ADAM18: variants seen among roughly 807,000 people sequenced by gnomAD.
The protein encoded by ADAM18 is disintegrin and metalloproteinase domain-containing protein 18.
In ADAM18, 117 loss-of-function variants were observed where a neutral mutation model predicts 94.4. The ratio of observed to expected loss-of-function variants is 1.24; its 90% confidence interval spans 1.07 to 1.45. The LOEUF (loss-of-function observed/expected upper bound fraction) is 1.45. Among genes scored for constraint, ADAM18 ranks in the 40% most tolerant of loss-of-function variants. The probability of loss-of-function intolerance (pLI) is 0.00; values close to 1 mark genes in which losing one functional copy is unlikely to be tolerated. For missense variants in ADAM18, 936 were observed against 880.0 expected, an observed-to-expected ratio of 1.06 and a Z score of -0.81; for synonymous variants, 327 against 291.6, an observed-to-expected ratio of 1.12 and a Z score of -1.24.
intron 18 of ADAM18, among the ~76,000 whole-genome samples, chr8:39,722,213 GTGTGTATATA>G (rs1478174267): frequency 6.8e-5 from 5 of 73,396 alleles, no homozygotes; most frequent in African/African-American, 3.7e-4. Context: ...GTGTGTGTGT[GTGTGTATATA>G]TATATATATA....
At chr8:39,613,592 G>A (rs549195258) in intron 6 of ADAM18, among the ~76,000 whole-genome samples, 1 of 152,108 alleles carries the variant, frequency 6.6e-6, no homozygotes, top group East Asian at 1.9e-4. Context: ...ACAAATGACT[G>A]TACTGTATCT....
chr8:39,641,887 A>C (rs1820249563), intron 10 of ADAM18, among the ~76,000 whole-genome samples: 1 of 152,090 alleles, frequency 6.6e-6, no homozygotes, highest in Non-Finnish European at 1.5e-5. Flanking sequence ...GCAGTGTATA[A>C]GTGTTCCTCT....
chr8:39,596,318 T>C (rs1818740296), intron 2 of ADAM18, among the ~76,000 whole-genome samples: 1 of 152,202 alleles, frequency 6.6e-6, no homozygotes, highest in South Asian at 2.1e-4. Context: ...AAAACTCCTT[T>C]GTGCTCTACC....
At chr8:39,678,362 A>T (rs1821352485) in intron 15 of ADAM18, among the ~76,000 whole-genome samples, 1 of 152,234 alleles carries the variant, frequency 6.6e-6, no homozygotes, top group South Asian at 2.1e-4. Flanking sequence ...GGACTAAAGT[A>T]GTATCCTCCA....
intron 12 of ADAM18, 29 bp from the exon 13 acceptor site, chr8:39,663,766 T>G: frequency 1.4e-6 from 2 of 1,466,592 alleles, no homozygotes; most frequent in South Asian, 1.2e-5. Flanking sequence ...GGTTAAACTG[T>G]AATAATATTT....
At position 39,680,314 on chromosome 8, in the gene ADAM18, T is replaced by C. The variant is rs190623154; in HGVS notation, c.1821+88T>C. 34 of 1,212,248 alleles carry C rather than the reference T, an allele frequency of 2.8e-5. 1 individual carries two copies. In the East Asian group the frequency reaches 8.1e-4, roughly 29 times the overall value. The allele number at this position is 1,212,248 out of a possible 1,614,324, so 75.1% of individuals were successfully genotyped here. On this transcript the variant is annotated intron_variant, in intron 16 of 19. Transcript: ENST00000265707. ...TTCCATGATGACTATCACAATTATA[T>C]TGAATGGATTTAAACTTGTGCTGGC...
At chr8:39,611,527 T>C in intron 6 of ADAM18, 1 of 985,354 alleles carries the variant, frequency 1.0e-6, no homozygotes, top group Non-Finnish European at 1.2e-6. Flanking sequence ...TGTAGTTCAT[T>C]ATTGCCAAAA....
At chr8:39,691,452 C>G (rs1389879475) in intron 16 of ADAM18, among the ~76,000 whole-genome samples, 1 of 152,014 alleles carries the variant, frequency 6.6e-6, no homozygotes, top group African/African-American at 2.4e-5. Context: ...ACCATGTGAT[C>G]CAGCCATCCC....
chr8:39,684,092 A>G (rs959357237), intron 16 of ADAM18, among the ~76,000 whole-genome samples: 5 of 152,122 alleles, frequency 3.3e-5, no homozygotes, highest in Non-Finnish European at 7.4e-5. Flanking sequence ...CTTTCACACC[A>G]CTACACTCCA....
rs140574808 is a variant in ADAM18, at chr8:39,710,214, G to A, written c.2017+3310G>A. ...GAAGATTAAAAGGAACAGCAATAAG[G>A]ACTTCCTTTTTTGGCTGTGACAGAA... On this transcript the variant is annotated intron_variant, in intron 18 of 19. Transcript: ENST00000265707. Among the ~76,000 whole-genome samples the A allele has an allele frequency of 4.6e-5, 7 of 152,238 alleles. No homozygotes were observed. The East Asian group carries it at 1.4e-3, about 29-fold the overall frequency.
intron 10 of ADAM18, among the ~76,000 whole-genome samples, chr8:39,642,663 T>C (rs1051795805): frequency 6.6e-6 from 1 of 152,102 alleles, no homozygotes. Context: ...TGTAGCCCTA[T>C]AGTATAGTTT....
At chr8:39,620,363 AAAAAAAAAAAAC>A (rs1251840953) in intron 6 of ADAM18, among the ~76,000 whole-genome samples, 2 of 116,288 alleles carry the variant, frequency 1.7e-5, no homozygotes, top group African/African-American at 3.5e-5. Flanking sequence ...AAAGCAAAAA[AAAAAAAAAAAAC>A]AAAAAAAAAT....
intron 12 of ADAM18, among the ~76,000 whole-genome samples, chr8:39,656,072 C>T (rs890747782): frequency 6.6e-6 from 1 of 151,812 alleles, no homozygotes; most frequent in Non-Finnish European, 1.5e-5. Context: ...TCCCGAAGTG[C>T]AATTCCAATT....
chr8:39,708,822 G>A (rs1166828397), intron 18 of ADAM18, among the ~76,000 whole-genome samples: 2 of 152,224 alleles, frequency 1.3e-5, no homozygotes, highest in Non-Finnish European at 2.9e-5. Flanking sequence ...CACAGGTGCA[G>A]GGTGCAGGGG....
rs2129579062 is a variant in ADAM18 at position 39,629,702 on chromosome 8, T to G, written c.588+263T>G. On this transcript the variant is annotated intron_variant, in intron 7 of 19. Transcript: ENST00000265707. ...CCTTGCTTCCTTCCTTCCTCTTTCT[T>G]TCACTCTTTCTTTCTTTTTATAACT... Among the ~76,000 whole-genome samples the G allele has an allele frequency of 2.6e-5, 4 of 151,728 alleles. No individual in the cohort carries two copies. In the South Asian group the frequency reaches 8.3e-4, roughly 32 times the overall value.
intron 10 of ADAM18, among the ~76,000 whole-genome samples, chr8:39,643,004 C>T (rs1490779581): frequency 1.3e-5 from 2 of 152,020 alleles, no homozygotes; most frequent in Non-Finnish European, 2.9e-5. Context: ...TTTCACCTCC[C>T]TAGTTAGCTG....
rs35248371 is a variant in ADAM18 at position 39,637,019 on chromosome 8, TTATATATATATATATATATA to T, written c.589-217_589-198del. On this transcript the variant is annotated intron_variant, in intron 7 of 19. Transcript: ENST00000265707. ...AATAATATTTCCGCATGTGTGTATTTTATATATATATATATATATATATATATATATATATATATATATAT... is the reference window on the plus strand; with the variant it reads ...AATAATATTTCCGCATGTGTGTATTTTATATATATATATATATATATATAT... 7.0e-3 allele frequency among the ~76,000 whole-genome samples: 386 copies of T among 54,858 alleles called. 5 individuals carry two copies. Among genetic ancestry groups the T allele is most frequent in the African/African-American group, 0.02 (334 of 16,806 alleles). The allele number at this position is 54,858 out of a possible 152,430, so 36.0% of individuals were successfully genotyped here.
At chr8:39,590,900 A>C (rs1818552486) in intron 2 of ADAM18, among the ~76,000 whole-genome samples, 1 of 152,194 alleles carries the variant, frequency 6.6e-6, no homozygotes. Flanking sequence ...ATTATTGTTC[A>C]AAACTGAAAG....
intron 17 of ADAM18, among the ~76,000 whole-genome samples, chr8:39,703,737 C>T (rs1340733173): frequency 4.6e-5 from 7 of 151,150 alleles, no homozygotes; most frequent in Non-Finnish European, 8.9e-5. Flanking sequence ...GAAATTGAGA[C>T]ACACACAAAA....
Sources: gnomAD v4.1 joint callset for allele counts (sites outside exome capture counted in the v4.1 genomes callset) on GRCh38, gnomAD v4.1.1 for gene constraint, MANE v1.5 for transcripts, NCBI Gene and HGNC (gene_info 2026-07-23, HGNC 2026-07-21) for gene names.